Variants in PELI2 observed in about 807,000 individuals in gnomAD.
PELI2 encodes the protein E3 ubiquitin-protein ligase pellino homolog 2.
Under a neutral mutation model 42.3 loss-of-function variants are expected in PELI2, and 23 were observed. The ratio of observed to expected loss-of-function variants is 0.54; its 90% confidence interval spans 0.39 to 0.77. The LOEUF (loss-of-function observed/expected upper bound fraction) is 0.77, where lower values mean the gene tolerates loss of function less well. Among genes scored for constraint, PELI2 ranks in the 30% least tolerant of loss-of-function variants. The probability of loss-of-function intolerance (pLI) is 0.00; values close to 1 mark genes in which losing one functional copy is unlikely to be tolerated. For synonymous variants in PELI2, 245 were observed against 212.2 expected (o/e 1.15, Z -1.34); for missense variants, 463 against 553.2 (o/e 0.84, Z 1.64).
At chr14:56,184,044 G>A (rs1333588879) in intron 2 of PELI2, among the ~76,000 whole-genome samples, 1 of 151,842 alleles carries the variant, frequency 6.6e-6, no homozygotes, top group East Asian at 1.9e-4. Context: ...CATTTATCTT[G>A]TATCAAATAA....
intron 2 of PELI2, among the ~76,000 whole-genome samples, chr14:56,258,569 C>T (rs1888602074): frequency 7.4e-6 from 1 of 134,726 alleles, no homozygotes; most frequent in African/African-American, 2.9e-5. Flanking sequence ...TGAAAAATAA[C>T]ATGTCTGAAA....
In PELI2 at chr14:56,134,522, G is replaced by T. The variant is rs896116466; in HGVS notation, c.77+15785G>T. Reference sequence around the variant, plus strand: ...CAACTCCTTTCCTTTGATTCTTAGAGAACTTTGTGCTTATAATCTATATGT... The same window carrying T: ...CAACTCCTTTCCTTTGATTCTTAGATAACTTTGTGCTTATAATCTATATGT... On this transcript the variant is annotated intron_variant, in intron 1 of 5. Coordinates refer to ENST00000267460, the MANE Select transcript of PELI2 (RefSeq NM_021255.3). Among the ~76,000 whole-genome samples the T allele has an allele frequency of 2.6e-5, 4 of 152,150 alleles. No individual in the cohort carries two copies. The South Asian group carries it at 8.3e-4, about 32-fold the overall frequency.
At chr14:56,207,296 A>G (rs776039858) in intron 2 of PELI2, among the ~76,000 whole-genome samples, 3 of 152,210 alleles carry the variant, frequency 2.0e-5, no homozygotes, top group Admixed American at 6.5e-5. Flanking sequence ...AGCTTCTGCT[A>G]TTGACTGCTG....
At chr14:56,162,189 G>A (rs117257060) in intron 1 of PELI2, among the ~76,000 whole-genome samples, 9 of 151,980 alleles carry the variant, frequency 5.9e-5, no homozygotes, top group Non-Finnish European at 1.0e-4. Context: ...CCACCTTATT[G>A]TGCTATTAAA....
intron 5 of PELI2, among the ~76,000 whole-genome samples, chr14:56,294,045 G>C (rs1475481083): frequency 6.6e-6 from 1 of 152,200 alleles, no homozygotes; most frequent in Non-Finnish European, 1.5e-5. Context: ...TGCTCGGTAT[G>C]GTGGTGGGGC....
intron 1 of PELI2, among the ~76,000 whole-genome samples, chr14:56,131,702 A>G (rs1200285989): frequency 6.6e-6 from 1 of 152,200 alleles, no homozygotes; most frequent in African/African-American, 2.4e-5. Flanking sequence ...CCAGATGGAA[A>G]AGGCCCAAAT....
At chr14:56,261,308 T>G (rs892858171) in intron 2 of PELI2, among the ~76,000 whole-genome samples, 1 of 152,208 alleles carries the variant, frequency 6.6e-6, no homozygotes, top group African/African-American at 2.4e-5. Context: ...CTGACAGTTT[T>G]GCTTACGGCT....
chr14:56,223,504 A>G (rs533960521), intron 2 of PELI2, among the ~76,000 whole-genome samples: 28 of 152,304 alleles, frequency 1.8e-4, no homozygotes, highest in South Asian at 8.3e-4. Context: ...CTGTTCCCCT[A>G]TGGCTTGCAG....
intron 1 of PELI2, among the ~76,000 whole-genome samples, chr14:56,126,640 A>G (rs1883278799): frequency 6.6e-6 from 1 of 152,094 alleles, no homozygotes; most frequent in African/African-American, 2.4e-5. Context: ...CTCCTTTCCC[A>G]TCTTGTGCTT....
chr14:56,252,666 T>C (rs1046515751), intron 2 of PELI2, among the ~76,000 whole-genome samples: 4 of 151,764 alleles, frequency 2.6e-5, no homozygotes, highest in African/African-American at 9.7e-5. Flanking sequence ...GCGAGACGTC[T>C]GGAAAAAAGG....
intron 5 of PELI2, among the ~76,000 whole-genome samples, chr14:56,292,258 G>A (rs1449798582): frequency 6.6e-6 from 1 of 152,116 alleles, no homozygotes; most frequent in Non-Finnish European, 1.5e-5. Context: ...GATAGCATCC[G>A]ATTAACCTGG....
At chr14:56,189,615 A>T (rs1448972765) in intron 2 of PELI2, among the ~76,000 whole-genome samples, 2 of 152,244 alleles carry the variant, frequency 1.3e-5, no homozygotes, top group African/African-American at 4.8e-5. Flanking sequence ...GCTAATATTA[A>T]TGCTGGTTTC....
chr14:56,267,803 A>G (rs771004943), intron 2 of PELI2, among the ~76,000 whole-genome samples: 9 of 152,158 alleles, frequency 5.9e-5, no homozygotes, highest in Non-Finnish European at 1.3e-4. Context: ...CATCTTTTAA[A>G]TGGGGACTTT....
chr14:56,206,939 G>T (rs1160393831), intron 2 of PELI2, among the ~76,000 whole-genome samples: 1 of 152,164 alleles, frequency 6.6e-6, no homozygotes, highest in Non-Finnish European at 1.5e-5. Flanking sequence ...AAGCATGTTG[G>T]CTATGCCTAA....
chr14:56,224,018 G>C lies in PELI2; in HGVS notation c.207+45554G>C, dbSNP rs74878972. 2.9e-3 allele frequency among the ~76,000 whole-genome samples: 439 copies of C among 152,238 alleles called. 14 individuals carry two copies. The East Asian group carries it at 0.077, about 27-fold the overall frequency. ...ATGACTTCATAGTCTACAAAATAGT[G>C]GGGCAGTATAAATTCATCTTATGTG... On this transcript the variant is annotated intron_variant, in intron 2 of 5. Transcript: ENST00000267460.
Position 56,196,520 on chromosome 14 carries a change from A to G in PELI2, c.207+18056A>G, listed in dbSNP as rs1276559666. ...TCCATCACAGATGTGGCTGAAAGAA[A>G]AAAATCTGCAACCTCTTGCTTTTGT... On this transcript the variant is annotated intron_variant, in intron 2 of 5. Coordinates refer to ENST00000267460, the MANE Select transcript of PELI2 (RefSeq NM_021255.3). 2.0e-5 allele frequency among the ~76,000 whole-genome samples: 3 copies of G among 152,358 alleles called. No homozygotes were observed. The East Asian group carries it at 5.8e-4, about 29-fold the overall frequency.
Position 56,233,936 on chromosome 14 carries a change from C to T in PELI2, c.208-45740C>T, listed in dbSNP as rs139542589. On this transcript the variant is annotated intron_variant, in intron 2 of 5. Coordinates refer to ENST00000267460, the MANE Select transcript of PELI2 (RefSeq NM_021255.3). ...GAATATTAACCCCATCAAAAGTGGG[C>T]GAAGGACATGAACAGATACTTCTCA... 4.4e-3 allele frequency among the ~76,000 whole-genome samples: 667 copies of T among 152,172 alleles called. 8 individuals carry two copies. Among genetic ancestry groups the T allele is most frequent in the African/African-American group, 0.013 (542 of 41,498 alleles).
Position 56,264,331 on chromosome 14 carries a change from G to A in PELI2, c.208-15345G>A, listed in dbSNP as rs539565446. 4.6e-5 allele frequency among the ~76,000 whole-genome samples: 7 copies of A among 152,216 alleles called. No individual in the cohort carries two copies. In the South Asian group the frequency reaches 6.2e-4, roughly 14 times the overall value. On this transcript the variant is annotated intron_variant, in intron 2 of 5. Transcript: ENST00000267460. ...CTAGGTGCAAGAACACTGATGTACC[G>A]TACAGAGAAACTACATGTTAGATTA...
intron 2 of PELI2, among the ~76,000 whole-genome samples, chr14:56,238,424 A>T (rs1348227270): frequency 6.6e-6 from 1 of 152,194 alleles, no homozygotes; most frequent in Non-Finnish European, 1.5e-5. Context: ...AAAATCTATT[A>T]GGTATATTTT....
Sources: allele counts gnomAD v4.1 joint callset (sites outside exome capture counted in the v4.1 genomes callset), GRCh38; gene constraint gnomAD v4.1.1; transcripts MANE v1.5; gene names NCBI Gene and HGNC (gene_info 2026-07-23, HGNC 2026-07-21).